CDH23: variants seen among roughly 807,000 people sequenced by gnomAD.
CDH23 encodes cadherin-23.
A neutral mutation model predicts 317.1 loss-of-function variants in CDH23; 189 were observed. The observed-to-expected ratio is 0.60, with a 90% CI of 0.53 to 0.67. CDH23 has a LOEUF of 0.67. CDH23 is among the 30% of genes least tolerant of loss of function. The pLI is 0.00. For missense variants in CDH23, 4,401 were observed against 4,592.4 expected, an observed-to-expected ratio of 0.96 and a Z score of 1.20; for synonymous variants, 1,839 against 1,876.8, an observed-to-expected ratio of 0.98 and a Z score of 0.52.
At chr10:71,658,562 C>G (rs1478642400) in intron 14 of CDH23, among the ~76,000 whole-genome samples, 1 of 152,256 alleles carries the variant, frequency 6.6e-6, no homozygotes, top group Admixed American at 6.5e-5. Flanking sequence ...TGCGGCTAAT[C>G]TTTGCCCCTT....
chr10:71,741,723 G>A lies in CDH23; in HGVS notation c.4647G>A (p.Gln1549=). 6.2e-7 allele frequency: 1 copy of A among 1,611,320 alleles called. No individual in the cohort carries two copies. The highest frequency in any genetic ancestry group is 1.7e-4 in the Middle Eastern group (1 of 6,060). The part of the protein sequence containing the change: ...ENVGGGTAVV[Q]VRATDRDIGI... ...TGGGTGGAGGTACTGCTGTGGTCCA[G>A]GTGAGAGCCACTGACCGTGACATCG... The change falls in exon 38 of 70, where the codon CAG becomes CAA. Residue 1549 remains glutamine, a synonymous_variant. Coordinates refer to ENST00000224721, the MANE Select transcript of CDH23 (RefSeq NM_022124.6).
At chr10:71,657,742 AC>A (rs1863478516) in intron 14 of CDH23, among the ~76,000 whole-genome samples, 1 of 120,464 alleles carries the variant, frequency 8.3e-6, no homozygotes, top group African/African-American at 3.2e-5. Context: ...CCCTCCTGAC[AC>A]CCCCACCATT....
rs1839638610 is a variant in CDH23, at chr10:71,738,654, C to T, written c.4359+7C>T. On this transcript the variant is annotated splice_region_variant and intron_variant, in intron 35 of 69. Transcript: ENST00000224721. ...TGCTGGCAGCAATGGGCAGGTGGGC[C>T]ACCGAGTGAAACAGCCAGGATCCAC... 1.2e-6 allele frequency: 2 copies of T among 1,611,892 alleles called. No individual in the cohort carries two copies. Among genetic ancestry groups the T allele is most frequent in the Middle Eastern group, 1.6e-4 (1 of 6,072 alleles).
intron 7 of CDH23, among the ~76,000 whole-genome samples, chr10:71,568,018 G>C (rs927793323): frequency 2.0e-5 from 3 of 152,226 alleles, no homozygotes; most frequent in Non-Finnish European, 4.4e-5. Flanking sequence ...CAAGGCTCTG[G>C]ATCTGGACTG....
chr10:71,641,665 C>T (rs527724103), intron 11 of CDH23, among the ~76,000 whole-genome samples: 48 of 152,274 alleles, frequency 3.2e-4, no homozygotes, highest in African/African-American at 9.1e-4. Context: ...GGAGAAGAAT[C>T]GGGGAGCAAT....
chr10:71,741,092 T>C (rs1266770902), intron 37 of CDH23, 142 bp downstream of exon 37: 1 of 920,918 alleles, frequency 1.1e-6, no homozygotes, highest in Non-Finnish European at 1.7e-6. Flanking sequence ...TCATTCGTAG[T>C]GATAGCCCTA....
chr10:71,660,181 G>T (rs112668819), intron 14 of CDH23, among the ~76,000 whole-genome samples: 2 of 151,788 alleles, frequency 1.3e-5, no homozygotes, highest in Admixed American at 6.6e-5. Flanking sequence ...GGATGGTCTC[G>T]ATCTCCTGAC....
intron 1 of CDH23, among the ~76,000 whole-genome samples, chr10:71,402,596 C>A (rs1847829570): frequency 6.6e-6 from 1 of 152,148 alleles, no homozygotes; most frequent in Admixed American, 6.5e-5. Flanking sequence ...TTTATTGTAT[C>A]CCTTTGACTT....
At chr10:71,461,210 C>A (rs1227609816) in intron 3 of CDH23, among the ~76,000 whole-genome samples, 1 of 152,220 alleles carries the variant, frequency 6.6e-6, no homozygotes, top group Non-Finnish European at 1.5e-5. Context: ...ACCACAAACT[C>A]TTTGGAGGCC....
intron 11 of CDH23, among the ~76,000 whole-genome samples, chr10:71,633,264 C>T (rs533037028): frequency 3.0e-4 from 45 of 152,236 alleles, no homozygotes; most frequent in Admixed American, 9.2e-4. Context: ...CAAACCCTAG[C>T]ACCATCCTTC....
chr10:71,778,872 C>G (rs1429470177), intron 40 of CDH23, among the ~76,000 whole-genome samples: 3 of 152,194 alleles, frequency 2.0e-5, no homozygotes, highest in African/African-American at 7.2e-5. Flanking sequence ...ATCCTCCCAC[C>G]TCAGCCTCCC....
intron 1 of CDH23, among the ~76,000 whole-genome samples, chr10:71,410,117 A>G (rs144599218): frequency 0.014 from 2,147 of 152,340 alleles, 61 homozygotes; most frequent in African/African-American, 0.048. Context: ...CTTCCGCAAA[A>G]TGAGAATAAT....
chr10:71,439,164 T>C (rs547275020), intron 1 of CDH23, among the ~76,000 whole-genome samples: 3 of 152,322 alleles, frequency 2.0e-5, no homozygotes, highest in South Asian at 4.1e-4. Flanking sequence ...CCTTCAAAAT[T>C]CAGCTTTAGC....
chr10:71,503,912 C>T (rs1480763301), intron 3 of CDH23, among the ~76,000 whole-genome samples: 1 of 152,034 alleles, frequency 6.6e-6, no homozygotes, highest in African/African-American at 2.4e-5. Flanking sequence ...TTGTCCTGTT[C>T]GGGAACAGAA....
chr10:71,814,097 G>C (rs1307518567), intron 69 of CDH23, among the ~76,000 whole-genome samples: 2 of 152,192 alleles, frequency 1.3e-5, no homozygotes, highest in African/African-American at 4.8e-5. Context: ...CCAGTTTCAA[G>C]TCTCCACCCC....
At chr10:71,712,581 G>A (rs1228064672) in intron 27 of CDH23, 84 bp from the exon 28 acceptor site, 15 of 1,519,590 alleles carry the variant, frequency 9.9e-6, no homozygotes, top group Admixed American at 5.5e-5. Flanking sequence ...CTCTCTGGCC[G>A]GTGCCCGGGA....
At chr10:71,715,942 C>T (rs1280747926) in intron 28 of CDH23, 1 of 1,465,312 alleles carries the variant, frequency 6.8e-7, no homozygotes, top group Non-Finnish European at 9.0e-7. Context: ...CCCATTACAT[C>T]TTGGTAGATT....
At chr10:71,519,170 T>C (rs765784990) in intron 6 of CDH23, among the ~76,000 whole-genome samples, 12 of 152,252 alleles carry the variant, frequency 7.9e-5, no homozygotes, top group Admixed American at 7.2e-4. Flanking sequence ...GCAGGGGGAC[T>C]GTGCAGAGCC....
chr10:71,674,392 A>G (rs538843669), intron 14 of CDH23, among the ~76,000 whole-genome samples: 2 of 152,328 alleles, frequency 1.3e-5, no homozygotes, highest in South Asian at 4.1e-4. Flanking sequence ...TCCACTTACA[A>G]TCTTATAGAG....
Sources: gnomAD v4.1 joint callset for allele counts (sites outside exome capture counted in the v4.1 genomes callset) on GRCh38, gnomAD v4.1.1 for gene constraint, MANE v1.5 for transcripts, NCBI Gene and HGNC (gene_info 2026-07-23, HGNC 2026-07-21) for gene names.